EIF4B: variants seen among roughly 807,000 people sequenced by gnomAD.
EIF4B encodes the protein eukaryotic translation initiation factor 4B.
A neutral mutation model predicts 79.3 loss-of-function variants in EIF4B; 8 were observed. The observed-to-expected ratio is 0.10, with a 90% CI of 0.06 to 0.18. The LOEUF is 0.18. Ranked by LOEUF, EIF4B falls within the 10% of genes least tolerant of loss-of-function variation. The pLI, the probability that EIF4B is intolerant of heterozygous loss-of-function variation, is 1.00. For missense variants in EIF4B, 515 were observed against 792.4 expected (o/e 0.65, Z 4.20); for synonymous variants, 238 against 274.7 (o/e 0.87, Z 1.32).
chr12:53,027,261 G>GT (rs1943352936), intron 6 of EIF4B, among the ~76,000 whole-genome samples: 1 of 149,786 alleles, frequency 6.7e-6, no homozygotes, highest in Non-Finnish European at 1.5e-5. Context: ...ATCCTCCCAA[G>GT]TAGCTGGGAC....
rs564528276 is a variant in EIF4B, at chr12:53,033,706, T to C, written c.980-100T>C. ...ATTGGTTAGGCCACTAACTTGAATC[T>C]CATGTAGCATTTCATAGGAGTTATA... On this transcript the variant is annotated intron_variant, in intron 8 of 14. Transcript: ENST00000262056. 5 of 1,297,342 alleles carry C rather than the reference T, an allele frequency of 3.9e-6. No individual in the cohort carries two copies. In the African/African-American group the frequency reaches 7.4e-5, roughly 19 times the overall value. 80.4% of individuals were successfully genotyped at this position (1,297,342 alleles called of 1,614,324 possible).
Position 53,039,937 on chromosome 12 carries a change from G to A in EIF4B, c.1756-206G>A. On this transcript the variant is annotated intron_variant, in intron 14 of 14. Transcript: ENST00000262056. ...TTTGTTCTCATCCCTTCTGCAAGGT[G>A]TAGAGGTGGTATGAGACTATAGTAA... is the stretch of plus-strand genomic sequence containing the variant. The A allele has an allele frequency of 5.7e-6, 4 of 707,532 alleles. No individual in the cohort carries two copies. In the South Asian group the frequency reaches 7.6e-5, roughly 13 times the overall value. 43.8% of individuals were successfully genotyped at this position (707,532 alleles called of 1,614,324 possible). A position where few individuals can be genotyped will look rare whatever the true frequency, so the allele number is the denominator to read the frequency against.
intron 8 of EIF4B, among the ~76,000 whole-genome samples, chr12:53,033,531 C>T (rs993244505): frequency 6.6e-5 from 10 of 150,912 alleles, no homozygotes; most frequent in Non-Finnish European, 8.8e-5. Context: ...TTAGTAGAGA[C>T]GGGGTTTCAC....
At chr12:53,018,740 C>G (rs1274568744) in intron 2 of EIF4B, 58 bp from the exon 3 acceptor site, 1 of 1,592,304 alleles carries the variant, frequency 6.3e-7, no homozygotes, top group Admixed American at 1.7e-5. Flanking sequence ...TCCTCTTGTT[C>G]TATGACAGTA....
chr12:53,007,233 G>A (rs3741439), intron 1 of EIF4B, among the ~76,000 whole-genome samples: 12,655 of 152,024 alleles, frequency 0.083, 842 homozygotes, highest in African/African-American at 0.18. Context: ...ATGGGGGTGG[G>A]GAATCCAGTT....
intron 11 of EIF4B, chr12:53,037,982 G>C (rs898488193): frequency 3.2e-5 from 9 of 281,628 alleles, no homozygotes; most frequent in African/African-American, 1.8e-4. Flanking sequence ...TATTAGCCTG[G>C]CGTGGTGGCA....
rs1244119887 is a variant in EIF4B, at chr12:53,033,345, T to TG, written c.980-461_980-460insG. On this transcript the variant is annotated intron_variant, in intron 8 of 14. Coordinates refer to ENST00000262056, the MANE Select transcript of EIF4B (RefSeq NM_001417.7). The stretch of plus-strand genomic sequence containing the variant: ...GAGCTACCTATTTTCTTTTTTTTTT[T>TG]TCTTTTTTTTATTTTTGAGACGGAG... Among the ~76,000 whole-genome samples, 3 of 148,444 alleles carry TG rather than the reference T, an allele frequency of 2.0e-5. No homozygotes were observed. The East Asian group carries it at 6.0e-4, about 30-fold the overall frequency.
At chr12:53,037,695 C>A (rs1943562751) in intron 11 of EIF4B, 73 bp downstream of exon 11, 2 of 1,524,740 alleles carry the variant, frequency 1.3e-6, no homozygotes, top group African/African-American at 1.4e-5. Flanking sequence ...TGGAAGATCT[C>A]CTACGGGATG....
intron 1 of EIF4B, among the ~76,000 whole-genome samples, chr12:53,009,815 A>G (rs868247342): frequency 2.0e-5 from 3 of 152,264 alleles, no homozygotes; most frequent in African/African-American, 4.8e-5. Context: ...TTAAATACAA[A>G]TACAGAATAG....
At chr12:53,019,433 A>ATTTTT (rs1565586158) in intron 3 of EIF4B, among the ~76,000 whole-genome samples, 168 of 32,736 alleles carry the variant, frequency 5.1e-3, no homozygotes, top group Non-Finnish European at 0.011. Flanking sequence ...TTATATATAT[A>ATTTTT]TATATTTTTT....
At chr12:53,039,429 C>CA in intron 13 of EIF4B, 86 bp downstream of exon 13, 2 of 1,266,092 alleles carry the variant, frequency 1.6e-6, no homozygotes, top group Non-Finnish European at 1.1e-6. Flanking sequence ...AGAGCACTGC[C>CA]AGATCGCTCA....
intron 1 of EIF4B, among the ~76,000 whole-genome samples, chr12:53,006,712 C>A (rs371973306): frequency 6.6e-6 from 1 of 151,730 alleles, no homozygotes; most frequent in African/African-American, 2.4e-5. Context: ...ACTCTTTTCA[C>A]CCTTTCTGCG....
intron 2 of EIF4B, 32 bp downstream of exon 2, chr12:53,016,642 G>T: frequency 1.3e-6 from 2 of 1,538,922 alleles, no homozygotes; most frequent in African/African-American, 2.8e-5. Flanking sequence ...TGTTTGGAAT[G>T]TTTATTATTT....
At chr12:53,022,750 A>G (rs1174995903) in intron 6 of EIF4B, 123 bp downstream of exon 6, 1 of 1,265,292 alleles carries the variant, frequency 7.9e-7, no homozygotes, top group Non-Finnish European at 1.0e-6. Context: ...AGATTAAGAA[A>G]AATTTTGGAT....
intron 10 of EIF4B, among the ~76,000 whole-genome samples, chr12:53,035,709 G>T (rs908747716): frequency 6.6e-6 from 1 of 152,062 alleles, no homozygotes; most frequent in Non-Finnish European, 1.5e-5. Flanking sequence ...TCCCCATGTT[G>T]CCCAGGCTGG....
Position 53,018,906 on chromosome 12 carries a change from G to A in EIF4B, c.260G>A (p.Arg87Gln), listed in dbSNP as rs772175183. Residue 87 changes from arginine to glutamine, a missense_variant, in exon 3 of 15, where the codon CGG becomes CAG. Coordinates refer to ENST00000262056, the MANE Select transcript of EIF4B (RefSeq NM_001417.7). Reference protein sequence around the residue: ...PRAAREPNIDRSRLPKSPPYT... With the variant: ...PRAAREPNIDQSRLPKSPPYT... ...GCTGCTCGGGAACCCAATATCGACC[G>A]GAGCCGTCTTCCCAAATCGCCACCC... The A allele has an allele frequency of 5.6e-6, 9 of 1,613,768 alleles. No homozygotes were observed. The highest frequency in any genetic ancestry group is 5.3e-5 in the African/African-American group (4 of 74,874).
intron 8 of EIF4B, among the ~76,000 whole-genome samples, chr12:53,030,690 G>A (rs975284529): frequency 1.3e-5 from 2 of 152,014 alleles, no homozygotes; most frequent in Non-Finnish European, 2.9e-5. Flanking sequence ...GATTACAGGC[G>A]TGGGCCACTG....
chr12:53,040,051 C>T, intron 14 of EIF4B, 92 bp from the exon 15 acceptor site: 1 of 1,405,328 alleles, frequency 7.1e-7, no homozygotes. Context: ...TGACTGTCAT[C>T]CCCCATTGCC....
chr12:53,039,109 TGGGTTG>T, intron 12 of EIF4B, 123 bp from the exon 13 acceptor site: 4 of 618,632 alleles, frequency 6.5e-6, no homozygotes, highest in Non-Finnish European at 1.1e-5. Context: ...GAAGGAAGTC[TGGGTTG>T]GGGTGAGGTT....
Sources: allele counts gnomAD v4.1 joint callset (sites outside exome capture counted in the v4.1 genomes callset), GRCh38; gene constraint gnomAD v4.1.1; transcripts MANE v1.5; gene names NCBI Gene and HGNC (gene_info 2026-07-23, HGNC 2026-07-21).